EYA2: variants seen among roughly 807,000 people sequenced by gnomAD.
The protein encoded by EYA2 is EYA transcriptional coactivator and phosphatase 2.
In EYA2, 31 loss-of-function variants were observed where a neutral mutation model predicts 69.2. That is an observed-to-expected ratio of 0.45 (90% confidence interval 0.34 to 0.60). EYA2 has a LOEUF of 0.60. Among genes scored for constraint, EYA2 ranks in the 20% least tolerant of loss-of-function variants. EYA2 has a pLI of 0.02. For synonymous variants in EYA2, 257 were observed against 279.4 expected (o/e 0.92, Z 0.80); for missense variants, 622 against 701.2 (o/e 0.89, Z 1.28).
At chr20:46,918,941 A>G (rs1985053374) in intron 1 of EYA2, among the ~76,000 whole-genome samples, 1 of 152,246 alleles carries the variant, frequency 6.6e-6, no homozygotes, top group African/African-American at 2.4e-5. Flanking sequence ...GCGTGAAGAC[A>G]ACATTTATCT....
At position 47,082,281 on chromosome 20, in the gene EYA2, A is replaced by T. The variant is rs188887750; in HGVS notation, c.662-6958A>T. Among the ~76,000 whole-genome samples, 840 of 152,272 alleles carry T rather than the reference A, an allele frequency of 5.5e-3. 9 individuals carry two copies. Among genetic ancestry groups the T allele is most frequent in the African/African-American group, 0.019 (799 of 41,544 alleles). On this transcript the variant is annotated intron_variant, in intron 7 of 15. Transcript: ENST00000327619. ...TATTTAACTTAATTTAAAATTTTTT[A>T]AAAATAAGAAAAGAAGAAGTAAAAC...
At chr20:47,008,344 G>A (rs1354661320) in intron 4 of EYA2, among the ~76,000 whole-genome samples, 1 of 152,210 alleles carries the variant, frequency 6.6e-6, no homozygotes, top group Non-Finnish European at 1.5e-5. Flanking sequence ...ATTAAGCCCA[G>A]GCAGCCTGGC....
At chr20:47,135,818 C>CA (rs1201324879) in intron 9 of EYA2, among the ~76,000 whole-genome samples, 622 of 33,240 alleles carry the variant, frequency 0.019, 28 homozygotes, top group South Asian at 0.025. Flanking sequence ...CCTGTCTCTA[C>CA]AAAAAAAAAA....
Position 47,179,832 on chromosome 20 carries a change from A to C in EYA2, c.1233A>C (p.Leu411=). 6.2e-7 allele frequency: 1 copy of C among 1,614,034 alleles called. No individual in the cohort carries two copies. Among genetic ancestry groups the C allele is most frequent in the South Asian group, 1.1e-5 (1 of 91,070 alleles). ...GCACTCCCAAAAGGGAGACCTGGCT[A>C]CAGCTCCGAGCTGAGCTGGAAGCTC... ...LIGTPKRETW[L]QLRAELEALT... The change falls in exon 13 of 16, where the codon CTA becomes CTC. Residue 411 remains leucine (L), a synonymous_variant. Transcript: ENST00000327619.
intron 4 of EYA2, among the ~76,000 whole-genome samples, chr20:47,014,426 G>A (rs1206708396): frequency 6.6e-6 from 1 of 152,176 alleles, no homozygotes; most frequent in African/African-American, 2.4e-5. Flanking sequence ...CCATAAGATA[G>A]ACAGAGATAA....
chr20:47,126,889 C>T (rs922245341), intron 9 of EYA2, among the ~76,000 whole-genome samples: 5 of 152,240 alleles, frequency 3.3e-5, no homozygotes, highest in Admixed American at 2.0e-4. Flanking sequence ...GGAACTACAA[C>T]GTGGAATTAT....
At chr20:47,141,502 C>T (rs531894489) in intron 9 of EYA2, among the ~76,000 whole-genome samples, 1 of 152,316 alleles carries the variant, frequency 6.6e-6, no homozygotes, top group South Asian at 2.1e-4. Context: ...CATTGTGCTG[C>T]ATATTTTCCA....
intron 1 of EYA2, among the ~76,000 whole-genome samples, chr20:46,905,485 A>G (rs1411412137): frequency 6.6e-6 from 1 of 152,204 alleles, no homozygotes; most frequent in East Asian, 1.9e-4. Flanking sequence ...CCCACATTCC[A>G]TTGAGAACCA....
intron 9 of EYA2, among the ~76,000 whole-genome samples, chr20:47,103,951 A>G (rs2032502995): frequency 6.6e-6 from 1 of 152,246 alleles, no homozygotes; most frequent in East Asian, 1.9e-4. Context: ...TCTTAGGTAT[A>G]TGCCTAGGAG....
Position 47,169,158 on chromosome 20 carries a change from T to C in EYA2, c.998T>C (p.Val333Ala), listed in dbSNP as rs2034266730. ...CCATAGGATTGTGACCAGATCCACG[T>C]TGATGACGTCTCATCAGATGACAAT... Reference protein sequence around the residue: ...NDLEDCDQIHVDDVSSDDNGQ... With the variant: ...NDLEDCDQIHADDVSSDDNGQ... The change falls in exon 11 of 16, where the codon GTT becomes GCT. Residue 333 changes from valine (V) to alanine (A), a missense_variant. Physicochemically the swap from Val to Ala is moderately conservative, Grantham distance 64. Around this residue, in one of 2 missense-constraint regions of EYA2, gnomAD observed 257 missense variants for 351.5 expected, o/e 0.73. Transcript: ENST00000327619. 4 of 1,613,912 alleles carry C rather than the reference T, an allele frequency of 2.5e-6. No homozygotes were observed. The Admixed American group carries it at 6.7e-5, about 27-fold the overall frequency.
chr20:47,073,904 C>A (rs970571675), intron 6 of EYA2, among the ~76,000 whole-genome samples: 1 of 152,124 alleles, frequency 6.6e-6, no homozygotes, highest in Non-Finnish European at 1.5e-5. Flanking sequence ...ACCACAGAAG[C>A]ACCTATGCAG....
At chr20:47,028,049 T>G (rs1031418419) in intron 5 of EYA2, among the ~76,000 whole-genome samples, 7 of 152,020 alleles carry the variant, frequency 4.6e-5, no homozygotes, top group African/African-American at 1.7e-4. Context: ...GTCATGAGGG[T>G]GGGGTCTTCA....
chr20:46,906,633 A>C (rs1984370143), intron 1 of EYA2, among the ~76,000 whole-genome samples: 1 of 152,256 alleles, frequency 6.6e-6, no homozygotes, highest in African/African-American at 2.4e-5. Context: ...TCCTTGCAAT[A>C]ATTCTACGAT....
At chr20:46,985,444 A>C (rs1165642381) in intron 1 of EYA2, among the ~76,000 whole-genome samples, 1 of 152,234 alleles carries the variant, frequency 6.6e-6, no homozygotes, top group East Asian at 1.9e-4. Flanking sequence ...CTTAAAATCA[A>C]CAAATGCTGT....
At chr20:47,104,893 C>T (rs1330155305) in intron 9 of EYA2, among the ~76,000 whole-genome samples, 3 of 152,130 alleles carry the variant, frequency 2.0e-5, no homozygotes, top group East Asian at 1.9e-4. Flanking sequence ...AGATGGTGCA[C>T]GTCTGTAATC....
At chr20:47,143,800 G>A (rs1343187043) in intron 10 of EYA2, among the ~76,000 whole-genome samples, 2 of 152,112 alleles carry the variant, frequency 1.3e-5, no homozygotes, top group African/African-American at 2.4e-5. Context: ...AAAGGCAAGC[G>A]GAAGCAAAGC....
At chr20:46,956,858 A>T (rs1044354854) in intron 1 of EYA2, among the ~76,000 whole-genome samples, 2 of 152,248 alleles carry the variant, frequency 1.3e-5, no homozygotes, top group Admixed American at 6.5e-5. Context: ...GGCAAAAGGC[A>T]TGTCTTACAT....
At chr20:46,987,964 C>CTATCTATCTATATATATA (rs1981378618) in intron 1 of EYA2, among the ~76,000 whole-genome samples, 1 of 11,280 alleles carries the variant, frequency 8.9e-5, no homozygotes, top group African/African-American at 2.8e-4. Flanking sequence ...CTCTCTCTCT[C>CTATCTATCTATATATATA]TATATATATA....
At chr20:47,005,293 T>C (rs1011479867) in intron 4 of EYA2, among the ~76,000 whole-genome samples, 3 of 152,236 alleles carry the variant, frequency 2.0e-5, no homozygotes, top group Non-Finnish European at 1.5e-5. Context: ...GAATTGGAAA[T>C]TGAACCCAAG....
Sources: allele counts gnomAD v4.1 joint callset (sites outside exome capture counted in the v4.1 genomes callset), GRCh38; gene constraint gnomAD v4.1.1; regional missense constraint gnomAD v4.1.1; transcripts MANE v1.5; gene names NCBI Gene and HGNC (gene_info 2026-07-23, HGNC 2026-07-21).